LRRC8B: variants seen among roughly 807,000 people sequenced by gnomAD.
LRRC8B encodes the protein leucine rich repeat containing 8 VRAC subunit B, also known as volume-regulated anion channel subunit LRRC8B.
A neutral mutation model predicts 58.8 loss-of-function variants in LRRC8B; 23 were observed. That is an observed-to-expected ratio of 0.39 (90% CI 0.28 to 0.55). The LOEUF is 0.55. Among genes scored for constraint, LRRC8B ranks in the 20% least tolerant of loss-of-function variants. LRRC8B has a pLI of 0.62. For synonymous variants in LRRC8B, 359 were observed against 374.1 expected (o/e 0.96, Z 0.47); for missense variants, 694 against 936.0 (o/e 0.74, Z 3.37).
intron 3 of LRRC8B, among the ~76,000 whole-genome samples, chr1:89,571,660 T>A (rs1005496270): frequency 1.3e-5 from 2 of 152,182 alleles, no homozygotes; most frequent in African/African-American, 4.8e-5. Context: ...TGATTTCCTC[T>A]TTTCCTATTT....
intron 3 of LRRC8B, among the ~76,000 whole-genome samples, chr1:89,571,153 C>T (rs529418407): frequency 5.3e-5 from 8 of 152,250 alleles, no homozygotes; most frequent in African/African-American, 1.7e-4. Flanking sequence ...GTGATGCCTC[C>T]AGCTTTGTTC....
intron 1 of LRRC8B, among the ~76,000 whole-genome samples, chr1:89,552,586 C>T (rs1398911976): frequency 1.3e-5 from 2 of 152,042 alleles, no homozygotes; most frequent in African/African-American, 4.8e-5. Context: ...ATGACAGTAA[C>T]CACAGAAAAA....
At chr1:89,561,231 G>T (rs896108572) in intron 1 of LRRC8B, among the ~76,000 whole-genome samples, 4 of 150,282 alleles carry the variant, frequency 2.7e-5, no homozygotes, top group Non-Finnish European at 6.0e-5. Flanking sequence ...TTTTGATGGG[G>T]TTGTTTGTTT....
At position 89,582,796 on chromosome 1, in the gene LRRC8B, A is replaced by G; in HGVS notation, c.146A>G (p.Gln49Arg). The G allele has an allele frequency of 6.2e-7, 1 of 1,614,182 alleles. No homozygotes were observed. Among genetic ancestry groups the G allele is most frequent in the East Asian group, 2.2e-5 (1 of 44,866 alleles). The stretch of plus-strand genomic sequence containing the variant: ...CTGGCCGGAGCTCTCCAGCTGACGC[A>G]GAGCAGGGTTCTGTGCTGTCTTCCA... ...AVLAGALQLT[Q>R]SRVLCCLPCK... Residue 49 changes from glutamine to arginine, a missense_variant, in exon 5 of 6, where the codon CAG becomes CGG. By Grantham distance (43) the Gln-to-Arg change is conservative. Transcript: ENST00000330947.
At chr1:89,526,753 C>A (rs922273045) in intron 1 of LRRC8B, among the ~76,000 whole-genome samples, 2 of 152,194 alleles carry the variant, frequency 1.3e-5, no homozygotes, top group Non-Finnish European at 2.9e-5. Context: ...GTATCCCCAA[C>A]AACATTTTTA....
intron 5 of LRRC8B, among the ~76,000 whole-genome samples, chr1:89,591,002 G>A (rs765151557): frequency 6.6e-6 from 1 of 152,154 alleles, no homozygotes; most frequent in Non-Finnish European, 1.5e-5. Context: ...ACACTGCACA[G>A]GACAGCCCCA....
intron 5 of LRRC8B, among the ~76,000 whole-genome samples, chr1:89,586,072 A>G (rs1337701465): frequency 6.6e-6 from 1 of 152,204 alleles, no homozygotes. Context: ...AGACATCTTC[A>G]GATCTTAAAG....
rs191541207 is a variant in LRRC8B, at chr1:89,562,879, C to A, written c.-240-5368C>A. On this transcript the variant is annotated intron_variant, in intron 1 of 5. Transcript: ENST00000330947. ...TTTTCCCACCCAGGGAAGGATGTAC[C>A]CTTCCTCTGGCTATCTAGCATGTCA... is the stretch of plus-strand genomic sequence containing the variant. 6.7e-3 allele frequency among the ~76,000 whole-genome samples: 1,016 copies of A among 152,202 alleles called. 8 individuals carry two copies. The highest frequency in any genetic ancestry group is 0.014 in the South Asian group (67 of 4,816).
intron 1 of LRRC8B, among the ~76,000 whole-genome samples, chr1:89,541,710 C>CAAAAAAAAAAAAAAAAA (rs61714771): frequency 4.7e-5 from 2 of 42,232 alleles, no homozygotes; most frequent in African/African-American, 1.1e-4. Flanking sequence ...GACTCCGTCT[C>CAAAAAAAAAAAAAAAAA]AAAAAAAAAA....
intron 1 of LRRC8B, among the ~76,000 whole-genome samples, chr1:89,567,542 CAAT>C (rs1217010464): frequency 1.3e-5 from 2 of 151,972 alleles, no homozygotes; most frequent in Non-Finnish European, 2.9e-5. Context: ...AATAAAGCAA[CAAT>C]AAGATCATTT....
Position 89,583,331 on chromosome 1 carries a change from CAAG to C in LRRC8B, c.685_687del (p.Lys229del). On this transcript the variant is annotated inframe_deletion, in exon 5 of 6. Transcript: ENST00000330947. This position sits in a 1 kb window ranked among gnomAD's most constrained non-coding sequence, Gnocchi z 5.2. ...AAAGCCCAACTTCCAGTGTCCTGGA[CAAG>C]AAGGAGGGTGAACAGGCCAAAGCCA... 1 of 1,614,120 alleles carries C rather than the reference CAAG, an allele frequency of 6.2e-7. No homozygotes were observed. The highest frequency in any genetic ancestry group is 8.5e-7 in the Non-Finnish European group (1 of 1,180,014).
At chr1:89,585,205 G>C (rs900537149) in intron 5 of LRRC8B, among the ~76,000 whole-genome samples, 1 of 152,104 alleles carries the variant, frequency 6.6e-6, no homozygotes, top group Non-Finnish European at 1.5e-5. Flanking sequence ...ATAACTTCTT[G>C]TTCTAAAATG....
intron 1 of LRRC8B, among the ~76,000 whole-genome samples, chr1:89,534,270 A>T (rs1441100487): frequency 6.6e-6 from 1 of 152,232 alleles, no homozygotes; most frequent in African/African-American, 2.4e-5. Context: ...TTCTATTATA[A>T]CTATTGGGTT....
At chr1:89,592,353 T>C (rs865898036) in intron 5 of LRRC8B, among the ~76,000 whole-genome samples, 2 of 152,222 alleles carry the variant, frequency 1.3e-5, no homozygotes, top group Non-Finnish European at 2.9e-5. Context: ...GTATTATTCA[T>C]TACATTACAC....
At chr1:89,534,428 C>T (rs1414970195) in intron 1 of LRRC8B, among the ~76,000 whole-genome samples, 2 of 152,006 alleles carry the variant, frequency 1.3e-5, no homozygotes, top group Admixed American at 6.6e-5. Context: ...TCTCATGGAA[C>T]TCATTTTATT....
intron 1 of LRRC8B, among the ~76,000 whole-genome samples, chr1:89,535,474 C>A (rs1253139234): frequency 6.6e-6 from 1 of 152,138 alleles, no homozygotes; most frequent in Non-Finnish European, 1.5e-5. Context: ...TACGATAGCA[C>A]CACTGCACTC....
chr1:89,570,043 A>G (rs1037047615), intron 3 of LRRC8B, among the ~76,000 whole-genome samples: 5 of 152,210 alleles, frequency 3.3e-5, no homozygotes, highest in Admixed American at 6.5e-5. Context: ...CCTTCAAAGG[A>G]CATGATACCA....
At chr1:89,535,589 A>G (rs1650468325) in intron 1 of LRRC8B, among the ~76,000 whole-genome samples, 1 of 152,266 alleles carries the variant, frequency 6.6e-6, no homozygotes, top group Non-Finnish European at 1.5e-5. Context: ...AACTAATTTG[A>G]TACCAAATTG....
At chr1:89,538,261 G>T (rs1322284525) in intron 1 of LRRC8B, among the ~76,000 whole-genome samples, 2 of 152,216 alleles carry the variant, frequency 1.3e-5, no homozygotes, top group Admixed American at 6.5e-5. Context: ...CTGGCTGGTG[G>T]CAGGAGAGAA....
Sources: allele counts gnomAD v4.1 joint callset (sites outside exome capture counted in the v4.1 genomes callset), GRCh38; gene constraint gnomAD v4.1.1; non-coding constraint Gnocchi (gnomAD v3.1); transcripts MANE v1.5; gene names NCBI Gene and HGNC (gene_info 2026-07-23, HGNC 2026-07-21).